The following SPHKAP variants were observed in gnomAD, a reference collection of about 807,000 sequenced individuals.
SPHKAP encodes A-kinase anchor protein SPHKAP.
Under a neutral mutation model 137.5 loss-of-function variants are expected in SPHKAP, and 67 were observed. The observed-to-expected ratio is 0.49, with a 90% CI of 0.40 to 0.60. The LOEUF is 0.60. SPHKAP is among the 20% of genes least tolerant of loss of function. The probability of loss-of-function intolerance (pLI) is 0.00; values close to 1 mark genes in which losing one functional copy is unlikely to be tolerated. For missense variants in SPHKAP, 2,097 were observed against 2,069.3 expected (o/e 1.01, Z -0.26); for synonymous variants, 813 against 785.3 (o/e 1.04, Z -0.59).
chr2:228,117,922 T>C (rs571442911), intron 2 of SPHKAP, among the ~76,000 whole-genome samples: 8 of 151,636 alleles, frequency 5.3e-5, no homozygotes, highest in African/African-American at 1.9e-4. Flanking sequence ...TGAAAAATAG[T>C]GACAAATTAA....
In SPHKAP at chr2:228,070,227, C is replaced by T. The variant is rs371075787; in HGVS notation, c.246+38605G>A. ...ACATATTTTTATGTTATATATATTA[C>T]GTAATGATTCATATAATAAAATAAG... On this transcript the variant is annotated intron_variant, in intron 3 of 11. Coordinates refer to ENST00000392056, the MANE Select transcript of SPHKAP (RefSeq NM_001142644.2). Among the ~76,000 whole-genome samples, 227 of 152,122 alleles carry T rather than the reference C, an allele frequency of 1.5e-3. 1 individual carries two copies. The highest frequency in any genetic ancestry group is 9.5e-3 in the South Asian group (46 of 4,818).
rs779389529 is a variant in SPHKAP, at chr2:227,982,000, ATCTAT to A, written c.4960-145_4960-141del. 1.3e-4 allele frequency: 174 copies of A among 1,308,130 alleles called. 1 individual carries two copies. In the Middle Eastern group the frequency reaches 5.9e-3, roughly 44 times the overall value. 81.0% of individuals were successfully genotyped at this position (1,308,130 alleles called of 1,614,324 possible). A position where few individuals can be genotyped will look rare whatever the true frequency, so the allele number is the denominator to read the frequency against. ...TGTCAGAGGACTGTTTTCCGGGATA[ATCTAT>A]TTTCTTTTTAAGAATTTCAGATTAT... On this transcript the variant is annotated intron_variant, in intron 11 of 11. Transcript: ENST00000392056.
At chr2:228,141,142 A>T (rs1699594450) in intron 1 of SPHKAP, among the ~76,000 whole-genome samples, 1 of 152,200 alleles carries the variant, frequency 6.6e-6, no homozygotes, top group Non-Finnish European at 1.5e-5. Context: ...TGACCGTGTC[A>T]TCTAAGTGAG....
At chr2:228,012,574 T>TGTACATAG (rs1033607804) in intron 7 of SPHKAP, among the ~76,000 whole-genome samples, 4 of 152,226 alleles carry the variant, frequency 2.6e-5, no homozygotes, top group African/African-American at 9.6e-5. Context: ...AATATTTTTT[T>TGTACATAG]GAAAGGTTTT....
At chr2:227,993,163 C>T (rs1406810660) in intron 9 of SPHKAP, among the ~76,000 whole-genome samples, 2 of 152,136 alleles carry the variant, frequency 1.3e-5, no homozygotes, top group African/African-American at 4.8e-5. Context: ...AAGCCATTCA[C>T]ATTTGATTTT....
chr2:228,030,536 C>CAAAAAAAAAAAAAAAAAAAAAAAAAAAAA (rs1263087267), intron 3 of SPHKAP, among the ~76,000 whole-genome samples: 1 of 41,888 alleles, frequency 2.4e-5, no homozygotes, highest in Non-Finnish European at 4.4e-5. Flanking sequence ...AAAAAAACAA[C>CAAAAAAAAAAAAAAAAAAAAAAAAAAAAA]AAAAAACAAA....
chr2:228,005,449 A>T (rs1368618663), intron 7 of SPHKAP, among the ~76,000 whole-genome samples: 2 of 152,074 alleles, frequency 1.3e-5, no homozygotes, highest in Non-Finnish European at 2.9e-5. Flanking sequence ...GTGTCTCTGC[A>T]TGTGAGATGG....
At chr2:228,012,535 T>G (rs1694428782) in intron 7 of SPHKAP, among the ~76,000 whole-genome samples, 1 of 152,202 alleles carries the variant, frequency 6.6e-6, no homozygotes, top group Admixed American at 6.5e-5. Context: ...CCACATTATT[T>G]TTTATTTTTT....
Position 228,018,236 on chromosome 2 carries a change from T to C in SPHKAP, c.2618A>G (p.Gln873Arg). The C allele has an allele frequency of 6.2e-7, 1 of 1,614,164 alleles. No homozygotes were observed. The highest frequency in any genetic ancestry group is 8.5e-7 in the Non-Finnish European group (1 of 1,180,010). ...TGGGTGGATACTCTCCTCAGCCTCC[T>C]GGGAACCACTTCTGGACTGGCTGAC... ...PTVSQSRSGS[Q>R]EAEESIHPNT... is the part of the protein sequence containing the mutation. Residue 873 changes from glutamine (Q) to arginine (R), a missense_variant, in exon 7 of 12, where the codon CAG (glutamine) becomes CGG (arginine). Transcript: ENST00000392056.
At chr2:228,114,121 T>G (rs1698625401) in intron 2 of SPHKAP, among the ~76,000 whole-genome samples, 1 of 152,192 alleles carries the variant, frequency 6.6e-6, no homozygotes, top group Non-Finnish European at 1.5e-5. Flanking sequence ...AATGGCTCAT[T>G]TGTCTGCTAT....
intron 6 of SPHKAP, 94 bp from the exon 7 acceptor site, chr2:228,020,250 A>G (rs1371262877): frequency 9.5e-6 from 14 of 1,475,570 alleles, no homozygotes; most frequent in Non-Finnish European, 1.3e-5. Flanking sequence ...TAAAACATCA[A>G]TAAAGACACA....
intron 3 of SPHKAP, among the ~76,000 whole-genome samples, chr2:228,062,905 G>T (rs1008706314): frequency 2.6e-5 from 4 of 152,184 alleles, no homozygotes; most frequent in African/African-American, 9.7e-5. Flanking sequence ...ATGCATTAGG[G>T]AATTAGTAAT....
chr2:228,020,511 T>C (rs552530540), intron 6 of SPHKAP, among the ~76,000 whole-genome samples: 2 of 152,220 alleles, frequency 1.3e-5, no homozygotes, highest in Admixed American at 1.3e-4. Context: ...AGGTGGGAAT[T>C]GAACAATAAG....
rs1235366567 is a variant in SPHKAP, at chr2:228,017,435, T to G, written c.3419A>C (p.Glu1140Ala). The change falls in exon 7 of 12, where the codon GAA becomes GCA. Residue 1140 changes from glutamate to alanine, a missense_variant. By Grantham distance (107) the Glu-to-Ala change is moderately radical. Transcript: ENST00000392056. ...SRFMVNQMEN[E>A]GRGFELLLDY... is the part of the protein sequence containing the mutation. ...CAGCAGTAACTCAAATCCTCTCCCT[T>G]CATTTTCCATCTGGTTCACCATGAA... 6.2e-7 allele frequency: 1 copy of G among 1,613,972 alleles called. No homozygotes were observed. Among genetic ancestry groups the G allele is most frequent in the Non-Finnish European group, 8.5e-7 (1 of 1,180,028 alleles).
intron 1 of SPHKAP, among the ~76,000 whole-genome samples, chr2:228,161,455 C>T (rs922329791): frequency 6.6e-6 from 1 of 152,150 alleles, no homozygotes; most frequent in Non-Finnish European, 1.5e-5. Context: ...GCTCAGAGAA[C>T]AGAAAACCAA....
intron 2 of SPHKAP, among the ~76,000 whole-genome samples, chr2:228,113,797 G>C (rs907907797): frequency 6.6e-6 from 1 of 151,934 alleles, no homozygotes; most frequent in Non-Finnish European, 1.5e-5. Flanking sequence ...CAAATACCAT[G>C]TAAGTCTCCT....
chr2:228,071,357 G>A (rs1164350368), intron 3 of SPHKAP, among the ~76,000 whole-genome samples: 2 of 152,068 alleles, frequency 1.3e-5, no homozygotes, highest in Non-Finnish European at 2.9e-5. Context: ...TTTCTTAATG[G>A]CATCTGGGAA....
At chr2:228,094,667 G>C (rs892935363) in intron 3 of SPHKAP, among the ~76,000 whole-genome samples, 1 of 152,134 alleles carries the variant, frequency 6.6e-6, no homozygotes, top group Non-Finnish European at 1.5e-5. Context: ...AGCTCCTTTG[G>C]AATTAATATC....
intron 3 of SPHKAP, among the ~76,000 whole-genome samples, chr2:228,092,647 T>C (rs966035531): frequency 6.7e-6 from 1 of 148,416 alleles, no homozygotes; most frequent in African/African-American, 2.5e-5. Flanking sequence ...TGTGTATATA[T>C]GTATATACAT....
Sources: allele counts gnomAD v4.1 joint callset (sites outside exome capture counted in the v4.1 genomes callset), GRCh38; gene constraint gnomAD v4.1.1; transcripts MANE v1.5; gene names NCBI Gene and HGNC (gene_info 2026-07-23, HGNC 2026-07-21).